Variants in NCK2 observed in about 807,000 individuals in gnomAD.
The protein encoded by NCK2 is NCK adaptor protein 2, also known as cytoplasmic protein NCK2.
NCK2 carries 16 observed loss-of-function variants against 33.9 expected under a neutral mutation model. The observed-to-expected ratio is 0.47, with a 90% confidence interval of 0.32 to 0.72. The LOEUF is 0.72. NCK2 is among the 30% of genes least tolerant of loss of function. The probability of loss-of-function intolerance (pLI) is 0.03; values close to 1 mark genes in which losing one functional copy is unlikely to be tolerated. For synonymous variants in NCK2, 273 were observed against 239.9 expected (o/e 1.14, Z -1.27); for missense variants, 418 against 537.3 (o/e 0.78, Z 2.19).
chr2:105,819,612 A>G (rs577856103), intron 2 of NCK2, among the ~76,000 whole-genome samples: 39 of 152,230 alleles, frequency 2.6e-4, no homozygotes, highest in Non-Finnish European at 5.1e-4. Context: ...ATGCTCACCC[A>G]GCAGCTCAGT....
At chr2:105,829,364 A>G (rs1676078362) in intron 2 of NCK2, among the ~76,000 whole-genome samples, 1 of 152,188 alleles carries the variant, frequency 6.6e-6, no homozygotes, top group African/African-American at 2.4e-5. Flanking sequence ...AAAAGTTCTC[A>G]TATATTTAGC....
chr2:105,802,008 G>GT (rs1674860529), intron 1 of NCK2, among the ~76,000 whole-genome samples: 1 of 152,180 alleles, frequency 6.6e-6, no homozygotes, highest in South Asian at 2.1e-4. Context: ...TCACCTGCTG[G>GT]TTCAGTGCTC....
chr2:105,777,667 A>G lies in NCK2; in HGVS notation c.-201+32529A>G, dbSNP rs140134214. Among the ~76,000 whole-genome samples the G allele has an allele frequency of 6.1e-3, 933 of 152,296 alleles. 7 individuals are homozygous for G. Among genetic ancestry groups the G allele is most frequent in the Non-Finnish European group, 0.011 (728 of 68,024 alleles). On this transcript the variant is annotated intron_variant, in intron 1 of 4. Coordinates refer to ENST00000233154, the MANE Select transcript of NCK2 (RefSeq NM_003581.5). ...TCCGGGTAACAGTCTGTGGACACCA[A>G]TGCGCACAATTCCTATCAAGGTCCT...
intron 2 of NCK2, among the ~76,000 whole-genome samples, chr2:105,844,825 GAT>G (rs1159347913): frequency 6.8e-6 from 1 of 146,598 alleles, no homozygotes; most frequent in Non-Finnish European, 1.5e-5. Flanking sequence ...CATAAAAATA[GAT>G]ATATATATTT....
At chr2:105,787,609 T>C (rs1690725189) in intron 1 of NCK2, among the ~76,000 whole-genome samples, 1 of 152,062 alleles carries the variant, frequency 6.6e-6, no homozygotes, top group Non-Finnish European at 1.5e-5. Context: ...TGTGGTCTTT[T>C]GTTAGGGCTG....
At chr2:105,809,773 G>A (rs1048258336) in intron 1 of NCK2, among the ~76,000 whole-genome samples, 1 of 152,210 alleles carries the variant, frequency 6.6e-6, no homozygotes, top group East Asian at 1.9e-4. Flanking sequence ...AACTTGGAGG[G>A]AAGAGCGTTT....
At chr2:105,773,611 A>C (rs1690206760) in intron 1 of NCK2, among the ~76,000 whole-genome samples, 1 of 152,034 alleles carries the variant, frequency 6.6e-6, no homozygotes, top group Non-Finnish European at 1.5e-5. Flanking sequence ...TCCCTTTGAC[A>C]CTATGGTTCA....
chr2:105,822,910 T>G (rs1675797779), intron 2 of NCK2, among the ~76,000 whole-genome samples: 1 of 152,032 alleles, frequency 6.6e-6, no homozygotes, highest in Non-Finnish European at 1.5e-5. Context: ...GATGGTGACC[T>G]GTGTCTCACA....
chr2:105,776,363 G>T (rs922225342), intron 1 of NCK2, among the ~76,000 whole-genome samples: 8 of 152,236 alleles, frequency 5.3e-5, no homozygotes, highest in Non-Finnish European at 1.2e-4. Context: ...AAGCACGTTT[G>T]GGGGAGGGAG....
intron 1 of NCK2, among the ~76,000 whole-genome samples, chr2:105,801,327 C>G (rs1342638942): frequency 6.6e-6 from 1 of 152,186 alleles, no homozygotes; most frequent in African/African-American, 2.4e-5. Context: ...AGCCCCAGCC[C>G]TTACGTCTGT....
chr2:105,793,400 A>G (rs1298052634), intron 1 of NCK2, among the ~76,000 whole-genome samples: 1 of 151,284 alleles, frequency 6.6e-6, no homozygotes. Flanking sequence ...GTGAGCTGCC[A>G]TCTTGGATCC....
intron 4 of NCK2, among the ~76,000 whole-genome samples, chr2:105,888,056 AG>A (rs1322361413): frequency 6.6e-6 from 1 of 152,234 alleles, no homozygotes; most frequent in Non-Finnish European, 1.5e-5. Flanking sequence ...GGAGCTAAAT[AG>A]GGTTCTTGCA....
At position 105,881,518 on chromosome 2, in the gene NCK2, C is replaced by T. The variant is rs368936828; in HGVS notation, c.417C>T (p.Thr139=). 3.7e-5 allele frequency: 60 copies of T among 1,613,916 alleles called. No individual in the cohort carries two copies. The highest frequency in any genetic ancestry group is 4.7e-5 in the Non-Finnish European group (56 of 1,180,008). The change falls in exon 4 of 5, where the codon ACC becomes ACT. Residue 139 remains threonine, a synonymous_variant. Coordinates refer to ENST00000233154, the MANE Select transcript of NCK2 (RefSeq NM_003581.5). The part of the protein sequence containing the change: ...ELSLVKGSRV[T]VMEKCSDGWW... ...CCCTGGTGAAGGGGTCGCGCGTCAC[C>T]GTCATGGAGAAGTGCAGCGACGGTT...
At chr2:105,797,709 A>G (rs1240118988) in intron 1 of NCK2, among the ~76,000 whole-genome samples, 1 of 152,224 alleles carries the variant, frequency 6.6e-6, no homozygotes, top group African/African-American at 2.4e-5. Flanking sequence ...TAGTGAGCTG[A>G]TGCAAAGTCT....
chr2:105,790,896 T>C (rs1044736607), intron 1 of NCK2, among the ~76,000 whole-genome samples: 1 of 152,150 alleles, frequency 6.6e-6, no homozygotes, highest in Non-Finnish European at 1.5e-5. Flanking sequence ...AGAGTCCTCA[T>C]CTGCAGGGCT....
chr2:105,865,951 G>A (rs555184443), intron 3 of NCK2, among the ~76,000 whole-genome samples: 9 of 144,190 alleles, frequency 6.2e-5, no homozygotes, highest in Non-Finnish European at 1.4e-4. Flanking sequence ...TTTCATTCTT[G>A]TTGCCCAGGC....
intron 1 of NCK2, among the ~76,000 whole-genome samples, chr2:105,787,056 ACTC>A (rs1690704958): frequency 6.6e-6 from 1 of 150,776 alleles, no homozygotes; most frequent in Admixed American, 6.6e-5. Context: ...CTTTGCTGCG[ACTC>A]CTCTGCTGTC....
chr2:105,842,093 C>CT lies in NCK2; in HGVS notation c.-16-12944dup, dbSNP rs1189979300. Among the ~76,000 whole-genome samples, 1,125 of 145,684 alleles carry CT rather than the reference C, an allele frequency of 7.7e-3. 10 individuals carry two copies. Among genetic ancestry groups the CT allele is most frequent in the African/African-American group, 0.014 (548 of 40,028 alleles). On this transcript the variant is annotated intron_variant, in intron 2 of 4. Coordinates refer to ENST00000233154, the MANE Select transcript of NCK2 (RefSeq NM_003581.5). ...TAATAGTATTTGTGGGGGTTTTTTT[C>CT]TTTTTTTTTTTGAGCCGGAGTTTCT...
intron 2 of NCK2, among the ~76,000 whole-genome samples, chr2:105,827,730 C>G (rs1486243162): frequency 6.6e-6 from 1 of 152,070 alleles, no homozygotes; most frequent in Admixed American, 6.6e-5. Flanking sequence ...TTGTATGATT[C>G]CATTTATATA....
Sources: gnomAD v4.1 joint callset for allele counts (sites outside exome capture counted in the v4.1 genomes callset) on GRCh38, gnomAD v4.1.1 for gene constraint, MANE v1.5 for transcripts, NCBI Gene and HGNC (gene_info 2026-07-23, HGNC 2026-07-21) for gene names.